SMIM31: variants seen among roughly 807,000 people sequenced by gnomAD.
SMIM31 encodes the protein human epithelial cell program regulator.
At chr4:164,774,292 C>T (rs1263540647) in intron 2 of SMIM31, among the ~76,000 whole-genome samples, 1 of 151,904 alleles carries the variant, frequency 6.6e-6, no homozygotes, top group African/African-American at 2.4e-5. Flanking sequence ...CAATACAATA[C>T]ATTCCACACA....
intron 2 of SMIM31, among the ~76,000 whole-genome samples, chr4:164,790,847 A>G (rs1429934284): frequency 6.6e-6 from 1 of 152,172 alleles, no homozygotes; most frequent in East Asian, 1.9e-4. Context: ...ATCAAAATAA[A>G]AGACCTTAAC....
intron 2 of SMIM31, among the ~76,000 whole-genome samples, chr4:164,795,658 C>T (rs896929523): frequency 6.6e-6 from 1 of 150,962 alleles, no homozygotes; most frequent in Admixed American, 6.6e-5. Context: ...AACCCTACTT[C>T]ACAGAGTTGT....
At chr4:164,782,262 C>G (rs902442070) in intron 2 of SMIM31, among the ~76,000 whole-genome samples, 1 of 151,616 alleles carries the variant, frequency 6.6e-6, no homozygotes, top group Non-Finnish European at 1.5e-5. Flanking sequence ...TGCACTCCAC[C>G]TGGGCAACCA....
chr4:164,767,304 T>C (rs1029864706), intron 1 of SMIM31, among the ~76,000 whole-genome samples: 4 of 152,188 alleles, frequency 2.6e-5, no homozygotes, highest in African/African-American at 9.7e-5. Flanking sequence ...CATATCAAGG[T>C]AACCAGGCTT....
At position 164,803,110 on chromosome 4, in the gene SMIM31, A is replaced by C; in HGVS notation, c.*1916A>C. On this transcript the variant is annotated 3_prime_UTR_variant, in exon 3 of 3. Transcript: ENST00000507311. ...ATAACGCTACCTATTATTATTGGAA[A>C]GCATTTTGGGACATTTGGACTTTTA... The C allele has an allele frequency of 6.6e-6, 1 of 152,220 alleles. No homozygotes were observed. The highest frequency in any genetic ancestry group is 1.5e-5 in the Non-Finnish European group (1 of 68,036). The allele number at this position is 152,220 out of a possible 1,614,324, so 9.4% of individuals were successfully genotyped here.
intron 2 of SMIM31, among the ~76,000 whole-genome samples, chr4:164,782,682 A>C (rs1214970281): frequency 6.6e-6 from 1 of 151,988 alleles, no homozygotes; most frequent in Admixed American, 6.5e-5. Flanking sequence ...AAATTTAAAA[A>C]GAATGCTACT....
At chr4:164,768,589 C>G (rs1732752586) in intron 1 of SMIM31, among the ~76,000 whole-genome samples, 2 of 152,094 alleles carry the variant, frequency 1.3e-5, no homozygotes, top group Admixed American at 1.3e-4. Flanking sequence ...AGGCGTAGGA[C>G]AAAACTGGAG....
intron 2 of SMIM31, among the ~76,000 whole-genome samples, chr4:164,779,204 T>C (rs531780760): frequency 6.6e-6 from 1 of 152,332 alleles, no homozygotes; most frequent in South Asian, 2.1e-4. Context: ...TTTCTAATTC[T>C]TCAGTAATTA....
At chr4:164,784,393 A>T (rs2110949780) in intron 2 of SMIM31, among the ~76,000 whole-genome samples, 1 of 152,302 alleles carries the variant, frequency 6.6e-6, no homozygotes, top group East Asian at 1.9e-4. Context: ...TCTTGATAGT[A>T]TTATATGTCA....
intron 1 of SMIM31, among the ~76,000 whole-genome samples, chr4:164,762,678 A>AAG (rs1553964899): frequency 2.2e-5 from 3 of 138,266 alleles, no homozygotes; most frequent in African/African-American, 8.3e-5. Context: ...AAAAAAAAAA[A>AAG]AAAAAGAAAA....
intron 2 of SMIM31, among the ~76,000 whole-genome samples, chr4:164,774,756 TAGTTTCA>T (rs1732858439): frequency 6.6e-6 from 1 of 152,252 alleles, no homozygotes; most frequent in South Asian, 2.1e-4. Flanking sequence ...TCATTATTTT[TAGTTTCA>T]AGTTTCAATA....
intron 1 of SMIM31, among the ~76,000 whole-genome samples, chr4:164,759,172 T>A (rs1012703290): frequency 6.6e-6 from 1 of 152,162 alleles, no homozygotes; most frequent in Non-Finnish European, 1.5e-5. Context: ...TTTACTTTTG[T>A]TATTGTTTTT....
At chr4:164,760,330 T>C (rs1443708379) in intron 1 of SMIM31, among the ~76,000 whole-genome samples, 1 of 152,052 alleles carries the variant, frequency 6.6e-6, no homozygotes, top group East Asian at 1.9e-4. Context: ...AAGGGAGACA[T>C]TGAGAGATCA....
intron 2 of SMIM31, among the ~76,000 whole-genome samples, chr4:164,775,189 C>G (rs1198043108): frequency 6.6e-6 from 1 of 152,168 alleles, no homozygotes; most frequent in Non-Finnish European, 1.5e-5. Context: ...AAAGAACTAC[C>G]TTTCCCCTTA....
intron 1 of SMIM31, among the ~76,000 whole-genome samples, chr4:164,757,018 G>C (rs1374269383): frequency 6.6e-6 from 1 of 152,066 alleles, no homozygotes; most frequent in Non-Finnish European, 1.5e-5. Context: ...CAAAGGAATT[G>C]TATCATTTTA....
chr4:164,782,523 C>G (rs983696179), intron 2 of SMIM31, among the ~76,000 whole-genome samples: 8 of 149,746 alleles, frequency 5.3e-5, no homozygotes, highest in African/African-American at 2.0e-4. Flanking sequence ...GGACTACAGG[C>G]GCCCCCCACC....
At chr4:164,799,381 T>A (rs1340330715) in intron 2 of SMIM31, among the ~76,000 whole-genome samples, 1 of 151,634 alleles carries the variant, frequency 6.6e-6, no homozygotes, top group Non-Finnish European at 1.5e-5. Context: ...CAAGCCCCTG[T>A]CTCAAAAAAA....
chr4:164,781,129 T>TACACACAC (rs138037586), intron 2 of SMIM31, among the ~76,000 whole-genome samples: 3,552 of 144,500 alleles, frequency 0.025, 137 homozygotes, highest in African/African-American at 0.081. Context: ...TACATTTACA[T>TACACACAC]ACACACACAC....
intron 2 of SMIM31, among the ~76,000 whole-genome samples, chr4:164,787,767 A>G (rs551966782): frequency 1.4e-3 from 211 of 152,248 alleles, no homozygotes; most frequent in Middle Eastern, 6.8e-3. Context: ...GCCCAAGGAT[A>G]TAGGCCTATT....
Sources: allele counts gnomAD v4.1 joint callset (sites outside exome capture counted in the v4.1 genomes callset), GRCh38; gene constraint gnomAD v4.1.1; transcripts MANE v1.5; gene names NCBI Gene and HGNC (gene_info 2026-07-23, HGNC 2026-07-21).